CFAP251: variants seen among roughly 807,000 people sequenced by gnomAD.
CFAP251 encodes cilia and flagella associated protein 251.
A neutral mutation model predicts 126.7 loss-of-function variants in CFAP251; 93 were observed. The observed-to-expected ratio is 0.73, with a 90% CI of 0.62 to 0.87. CFAP251 has a LOEUF of 0.87. CFAP251 is among the 40% of genes least tolerant of loss of function. CFAP251 has a pLI of 0.00. For synonymous variants in CFAP251, 503 were observed against 506.9 expected, an observed-to-expected ratio of 0.99 and a Z score of 0.10; for missense variants, 1,287 against 1,389.2, an observed-to-expected ratio of 0.93 and a Z score of 1.17.
intron 6 of CFAP251, 65 bp downstream of exon 6, chr12:121,942,710 G>C: frequency 7.4e-7 from 1 of 1,357,456 alleles, no homozygotes; most frequent in East Asian, 2.4e-5. Flanking sequence ...GTGTCCCCAT[G>C]GGCAGCTCTG....
At chr12:121,972,631 G>A (rs1411254595) in intron 17 of CFAP251, among the ~76,000 whole-genome samples, 1 of 152,100 alleles carries the variant, frequency 6.6e-6, no homozygotes, top group Non-Finnish European at 1.5e-5. Flanking sequence ...TGGGACCACA[G>A]GTGTGTGCCA....
chr12:121,923,878 G>A lies in CFAP251; in HGVS notation c.635G>A (p.Arg212Lys), dbSNP rs761482571. Reference sequence around the variant, plus strand: ...GAAAACAGAGAGGAGGGACAAGAAAGGAGAGTATCCGACATCCAGTCCAAA... The same window carrying A: ...GAAAACAGAGAGGAGGGACAAGAAAAGAGAGTATCCGACATCCAGTCCAAA... ...EPENREEGQE[R>K]RVSDIQSKAG... Residue 212 changes from arginine to lysine, a missense_variant, in exon 3 of 22, where the codon AGG (arginine) becomes AAG (lysine). Coordinates refer to ENST00000288912, the MANE Select transcript of CFAP251 (RefSeq NM_144668.6). 4.3e-6 allele frequency: 7 copies of A among 1,614,050 alleles called. No homozygotes were observed. In the African/African-American group the frequency reaches 8.0e-5, roughly 18 times the overall value.
chr12:121,922,252 G>A (rs72487563), intron 2 of CFAP251, among the ~76,000 whole-genome samples: 9,250 of 151,764 alleles, frequency 0.061, 524 homozygotes, highest in East Asian at 0.21. Flanking sequence ...GATTACAGGC[G>A]TCCGCCACCT....
intron 20 of CFAP251, 140 bp downstream of exon 20, chr12:122,000,084 T>C: frequency 2.7e-6 from 2 of 732,042 alleles, no homozygotes; most frequent in Non-Finnish European, 4.3e-6. Context: ...ATGAGGGGTC[T>C]GGCTGACCCA....
intron 21 of CFAP251, among the ~76,000 whole-genome samples, chr12:122,003,428 C>T (rs932002916): frequency 2.6e-5 from 4 of 151,964 alleles, no homozygotes; most frequent in Non-Finnish European, 5.9e-5. Context: ...TTAAAATAAG[C>T]TGGGCGTGGT....
At chr12:121,962,361 G>A (rs543399282) in intron 15 of CFAP251, among the ~76,000 whole-genome samples, 199 bp downstream of exon 15, 1 of 152,294 alleles carries the variant, frequency 6.6e-6, no homozygotes, top group South Asian at 2.1e-4. Context: ...GAGGTGAGAT[G>A]TGCAGAATCC....
chr12:121,926,537 A>C (rs1376856106), intron 3 of CFAP251, among the ~76,000 whole-genome samples: 6 of 151,956 alleles, frequency 3.9e-5, no homozygotes, highest in African/African-American at 1.4e-4. Context: ...TATGTCTCTC[A>C]GGCTGGCCTT....
chr12:121,988,099 TA>T (rs1396157972), intron 19 of CFAP251, among the ~76,000 whole-genome samples: 5 of 152,036 alleles, frequency 3.3e-5, no homozygotes, highest in East Asian at 1.9e-4. Context: ...ATTTTAAAAA[TA>T]TTTTAAATAT....
At chr12:121,920,189 GA>G (rs1166354917) in intron 1 of CFAP251, among the ~76,000 whole-genome samples, 233 of 62,618 alleles carry the variant, frequency 3.7e-3, no homozygotes, top group African/African-American at 8.3e-3. Context: ...TGTCTCAAGA[GA>G]AAAAAAAAAA....
At chr12:121,926,021 ATTTTTTTT>A (rs35760212) in intron 3 of CFAP251, among the ~76,000 whole-genome samples, 1 of 97,512 alleles carries the variant, frequency 1.0e-5, no homozygotes, top group Non-Finnish European at 2.0e-5. Flanking sequence ...ATTTTTTGTA[ATTTTTTTT>A]TTTTTTTTTT....
At chr12:121,930,693 C>T (rs1880647322) in intron 3 of CFAP251, among the ~76,000 whole-genome samples, 1 of 151,468 alleles carries the variant, frequency 6.6e-6, no homozygotes, top group East Asian at 1.9e-4. Context: ...TTTATCCTTC[C>T]AGTAGAAATA....
chr12:121,969,593 C>T, intron 17 of CFAP251: 1 of 805,574 alleles, frequency 1.2e-6, no homozygotes, highest in African/African-American at 1.9e-5. Context: ...TCAAACAATT[C>T]TCCTGCCTCA....
rs578124486 is a variant in CFAP251, at chr12:121,974,276, G to A, written c.2772-968G>A. ...GAGTCCTCCCCAGCCATGTGAAACC[G>A]TAAGTCCAATAAACCTCTTTCTTTT... On this transcript the variant is annotated intron_variant, in intron 17 of 21. Coordinates refer to ENST00000288912, the MANE Select transcript of CFAP251 (RefSeq NM_144668.6). This position sits in a 1 kb window ranked among gnomAD's most constrained non-coding sequence, Gnocchi z 4.6. 1.2e-4 allele frequency among the ~76,000 whole-genome samples: 19 copies of A among 152,244 alleles called. No homozygotes were observed. The South Asian group carries it at 1.5e-3, about 12-fold the overall frequency.
intron 5 of CFAP251, among the ~76,000 whole-genome samples, chr12:121,939,610 A>T (rs532121868): frequency 1.1e-4 from 16 of 150,952 alleles, no homozygotes; most frequent in African/African-American, 4.0e-4. Flanking sequence ...TTTTTAAAAA[A>T]TTTCACAGTA....
At position 121,994,152 on chromosome 12, in the gene CFAP251, T is replaced by TG. The variant is rs1314921301; in HGVS notation, c.3007-5556dup. Reference sequence around the variant, plus strand: ...CCAGCCGCCCCGTCCGGGAGGGAGGTGGGGGGGGTCAGCCCCCCCGCCCGG... The same window carrying TG: ...CCAGCCGCCCCGTCCGGGAGGGAGGTGGGGGGGGGTCAGCCCCCCCGCCCGG... On this transcript the variant is annotated intron_variant, in intron 19 of 21. Coordinates refer to ENST00000288912, the MANE Select transcript of CFAP251 (RefSeq NM_144668.6). Among the ~76,000 whole-genome samples the TG allele has an allele frequency of 5.3e-3, 176 of 33,340 alleles. 4 individuals carry two copies. Among genetic ancestry groups the TG allele is most frequent in the East Asian group, 0.032 (19 of 602 alleles). The allele number at this position is 33,340 out of a possible 152,430, so 21.9% of individuals were successfully genotyped here. A position where few individuals can be genotyped will look rare whatever the true frequency, so the allele number is the denominator to read the frequency against.
chr12:121,966,739 C>T (rs1882155252), intron 15 of CFAP251, among the ~76,000 whole-genome samples: 1 of 151,690 alleles, frequency 6.6e-6, no homozygotes, highest in South Asian at 2.1e-4. Flanking sequence ...GCACCTGCCA[C>T]CACGCCTGGC....
In CFAP251 at chr12:121,984,276, G is replaced by C. The variant is rs180983958; in HGVS notation, c.3006+8591G>C. Among the ~76,000 whole-genome samples, 279 of 152,180 alleles carry C rather than the reference G, an allele frequency of 1.8e-3. 1 individual carries two copies. The highest frequency in any genetic ancestry group is 6.6e-3 in the African/African-American group (275 of 41,530). On this transcript the variant is annotated intron_variant, in intron 19 of 21. Transcript: ENST00000288912. ...AACACAGCCAAAGTGGTCATGGTGGGCTGCTCCTAGAAATCATTATTTATT... is the reference window on the plus strand; with the variant it reads ...AACACAGCCAAAGTGGTCATGGTGGCCTGCTCCTAGAAATCATTATTTATT...
At chr12:121,968,882 T>A (rs1262159663) in intron 17 of CFAP251, 27 of 985,190 alleles carry the variant, frequency 2.7e-5, no homozygotes, top group Non-Finnish European at 3.1e-5. Flanking sequence ...CTTCTTCCTG[T>A]AAGGGCATTT....
In CFAP251 at chr12:121,931,850, C is replaced by G; in HGVS notation, c.852C>G (p.Ile284Met). Residue 284 changes from isoleucine to methionine, a missense_variant, in exon 4 of 22, where the codon ATC becomes ATG. By Grantham distance (10) the Ile-to-Met change is conservative. Coordinates refer to ENST00000288912, the MANE Select transcript of CFAP251 (RefSeq NM_144668.6). ...LLYVCAHTAI[I>M]YNVFRNNQYH... The stretch of plus-strand genomic sequence containing the variant: ...ATGTTTGTGCTCACACTGCGATCAT[C>G]TACAACGTGTTCAGGAACAATCAAT... 6.2e-7 allele frequency: 1 copy of G among 1,600,902 alleles called. No individual in the cohort carries two copies. The highest frequency in any genetic ancestry group is 8.5e-7 in the Non-Finnish European group (1 of 1,174,508).
Sources: allele counts gnomAD v4.1 joint callset (sites outside exome capture counted in the v4.1 genomes callset), GRCh38; gene constraint gnomAD v4.1.1; non-coding constraint Gnocchi (gnomAD v3.1); transcripts MANE v1.5; gene names NCBI Gene and HGNC (gene_info 2026-07-23, HGNC 2026-07-21).